Variants in STARD13 observed in about 807,000 individuals in gnomAD.
STARD13 encodes stAR-related lipid transfer protein 13.
A neutral mutation model predicts 106.4 loss-of-function variants in STARD13; 62 were observed. The ratio of observed to expected loss-of-function variants is 0.58; its 90% CI spans 0.48 to 0.72. The LOEUF (loss-of-function observed/expected upper bound fraction) is 0.72. Among genes scored for constraint, STARD13 ranks in the 30% least tolerant of loss-of-function variants. The probability of loss-of-function intolerance (pLI) is 0.00; values close to 1 mark genes in which losing one functional copy is unlikely to be tolerated. For synonymous variants in STARD13, 565 were observed against 553.0 expected (o/e 1.02, Z -0.31); for missense variants, 1,387 against 1,424.0 (o/e 0.97, Z 0.42).
At chr13:33,624,427 A>T in the STARD13 span, among the ~76,000 whole-genome samples, 3,745 of 152,250 alleles carry the variant, frequency 0.025, 176 homozygotes, top group East Asian at 0.17. Context: ...CTTGAATCCC[A>T]CCTGTGCTCA....
the STARD13 span, among the ~76,000 whole-genome samples, chr13:33,537,073 C>CA: frequency 2.3e-3 from 352 of 152,270 alleles, no homozygotes; most frequent in African/African-American, 8.2e-3. Context: ...CATTAAATAG[C>CA]AGCAAGAGAG....
the STARD13 span, among the ~76,000 whole-genome samples, chr13:33,441,432 T>C: frequency 6.6e-6 from 1 of 152,186 alleles, no homozygotes; most frequent in South Asian, 2.1e-4. Context: ...ATAATATGTT[T>C]AGCAATCAGA....
rs749218590 is a variant in STARD13, at chr13:33,167,582, G to A, written c.210C>T (p.Ala70=). The change falls in exon 2 of 14, where the codon GCC becomes GCT. Residue 70 remains alanine (A), a synonymous_variant. Coordinates refer to ENST00000336934, the MANE Select transcript of STARD13 (RefSeq NM_178006.4). Reference sequence around the variant, plus strand: ...ATAACTGAGCGTATTGCGGGAACCCGGCAGCACGGAGCCAGTCACATGCTT... The same window carrying A: ...ATAACTGAGCGTATTGCGGGAACCCAGCAGCACGGAGCCAGTCACATGCTT... ...AKEACDWLRA[A]GFPQYAQLYE... 1.7e-5 allele frequency: 27 copies of A among 1,614,042 alleles called. No homozygotes were observed. In the South Asian group the frequency reaches 2.4e-4, roughly 14 times the overall value.
the STARD13 span, among the ~76,000 whole-genome samples, chr13:33,536,198 T>G: frequency 6.6e-6 from 1 of 152,182 alleles, no homozygotes; most frequent in Non-Finnish European, 1.5e-5. Flanking sequence ...AAAACAGAAA[T>G]GGCAAATAAG....
chr13:33,644,452 G>T, the STARD13 span, among the ~76,000 whole-genome samples: 1 of 152,064 alleles, frequency 6.6e-6, no homozygotes, highest in African/African-American at 2.4e-5. Flanking sequence ...AAATGAATTG[G>T]GTACTTTGCA....
intron 1 of STARD13, among the ~76,000 whole-genome samples, chr13:33,198,395 G>A (rs551615602): frequency 6.6e-6 from 1 of 152,060 alleles, no homozygotes; most frequent in South Asian, 2.1e-4. Context: ...GGCCCTATCT[G>A]TCTCCTCTGC....
At chr13:33,187,572 A>G (rs958327712) in intron 1 of STARD13, among the ~76,000 whole-genome samples, 1 of 152,216 alleles carries the variant, frequency 6.6e-6, no homozygotes, top group Non-Finnish European at 1.5e-5. Flanking sequence ...TTCATTCATT[A>G]AATGTAGTGC....
chr13:33,491,871 G>C, the STARD13 span, among the ~76,000 whole-genome samples: 2 of 152,130 alleles, frequency 1.3e-5, no homozygotes, highest in African/African-American at 4.8e-5. Context: ...TTTCACTCGC[G>C]TCCATGTGAA....
At chr13:33,118,961 T>TC (rs1338609750) in intron 7 of STARD13, among the ~76,000 whole-genome samples, 1 of 152,228 alleles carries the variant, frequency 6.6e-6, no homozygotes, top group African/African-American at 2.4e-5. Context: ...GGCTTTTTTT[T>TC]CAGACCTCAA....
chr13:33,399,700 CAA>C, the STARD13 span, among the ~76,000 whole-genome samples: 39 of 26,966 alleles, frequency 1.4e-3, no homozygotes, highest in African/African-American at 3.2e-3. Flanking sequence ...GACTCTGTCT[CAA>C]AAAAAAAAAA....
the STARD13 span, among the ~76,000 whole-genome samples, chr13:33,501,413 C>T: frequency 5.3e-5 from 8 of 152,084 alleles, no homozygotes; most frequent in Non-Finnish European, 1.0e-4. Context: ...TCTATTTTGG[C>T]TTTTATTGCC....
chr13:33,145,392 G>A lies in STARD13; in HGVS notation c.324-3019C>T, dbSNP rs114151237. On this transcript the variant is annotated intron_variant, in intron 3 of 13. Coordinates refer to ENST00000336934, the MANE Select transcript of STARD13 (RefSeq NM_178006.4). ...TCAGAACTACTGAAACTTCCAAAGC[G>A]TACAGTCTCTTTGGAAAACAGTTTG... Among the ~76,000 whole-genome samples the A allele has an allele frequency of 4.7e-3, 710 of 152,266 alleles. 9 individuals are homozygous for A. Among genetic ancestry groups the A allele is most frequent in the African/African-American group, 0.016 (676 of 41,544 alleles).
At chr13:33,163,601 A>AT (rs1555239797) in intron 3 of STARD13, among the ~76,000 whole-genome samples, 65 of 130,640 alleles carry the variant, frequency 5.0e-4, no homozygotes, top group African/African-American at 2.0e-3. Flanking sequence ...AAAAAAAAAA[A>AT]AAAAATATAT....
At chr13:33,554,621 A>G in the STARD13 span, among the ~76,000 whole-genome samples, 2 of 152,160 alleles carry the variant, frequency 1.3e-5, no homozygotes, top group South Asian at 4.1e-4. Flanking sequence ...AATATTTATT[A>G]TTTTTTACGT....
At chr13:33,465,462 A>T in the STARD13 span, among the ~76,000 whole-genome samples, 1 of 152,082 alleles carries the variant, frequency 6.6e-6, no homozygotes, top group Non-Finnish European at 1.5e-5. Flanking sequence ...TCGGCCTCCC[A>T]AAGTGCTGGG....
the STARD13 span, among the ~76,000 whole-genome samples, chr13:33,577,068 A>T: frequency 1.3e-4 from 20 of 152,344 alleles, no homozygotes; most frequent in Admixed American, 2.6e-4. Context: ...AAACATTTTT[A>T]TCATTTAATC....
chr13:33,461,933 G>A, the STARD13 span, among the ~76,000 whole-genome samples: 1 of 152,072 alleles, frequency 6.6e-6, no homozygotes, highest in African/African-American at 2.4e-5. Flanking sequence ...AGTTCATTTT[G>A]CCACAAAATG....
At chr13:33,596,413 A>T in the STARD13 span, among the ~76,000 whole-genome samples, 8 of 152,170 alleles carry the variant, frequency 5.3e-5, no homozygotes, top group Non-Finnish European at 1.2e-4. Context: ...CATGCATGTT[A>T]TATATATTTA....
At chr13:33,511,174 A>T in the STARD13 span, among the ~76,000 whole-genome samples, 1 of 151,980 alleles carries the variant, frequency 6.6e-6, no homozygotes, top group East Asian at 1.9e-4. Flanking sequence ...TTAGCCAGGT[A>T]TGGTGGAGTG....
Sources: gnomAD v4.1 joint callset for allele counts (sites outside exome capture counted in the v4.1 genomes callset) on GRCh38, gnomAD v4.1.1 for gene constraint, MANE v1.5 for transcripts, NCBI Gene and HGNC (gene_info 2026-07-23, HGNC 2026-07-21) for gene names.